The following STK10 variants were observed in gnomAD, a reference collection of about 807,000 sequenced individuals.
STK10 encodes serine/threonine-protein kinase 10.
In STK10, 78 loss-of-function variants were observed where a neutral mutation model predicts 113.8. The ratio of observed to expected loss-of-function variants is 0.69; its 90% CI spans 0.57 to 0.83. The LOEUF is 0.83. STK10 is among the 40% of genes least tolerant of loss of function. The probability of loss-of-function intolerance (pLI) is 0.00; values close to 1 mark genes in which losing one functional copy is unlikely to be tolerated. For missense variants in STK10, 1,109 were observed against 1,280.1 expected (o/e 0.87, Z 2.04); for synonymous variants, 465 against 494.7 (o/e 0.94, Z 0.80).
At chr5:172,173,967 C>A (rs1304089282) in intron 1 of STK10, among the ~76,000 whole-genome samples, 1 of 152,148 alleles carries the variant, frequency 6.6e-6, no homozygotes, top group Non-Finnish European at 1.5e-5. Flanking sequence ...GTGACTTGCC[C>A]AAAGTCACAC....
At chr5:172,074,210 G>A (rs990404946) in intron 12 of STK10, among the ~76,000 whole-genome samples, 1 of 152,044 alleles carries the variant, frequency 6.6e-6, no homozygotes, top group Non-Finnish European at 1.5e-5. Context: ...GGTTTATATA[G>A]AAAGGCAAAA....
intron 12 of STK10, among the ~76,000 whole-genome samples, chr5:172,077,906 C>T (rs1402808441): frequency 6.6e-6 from 1 of 152,170 alleles, no homozygotes; most frequent in Non-Finnish European, 1.5e-5. Context: ...TGGTCTCCCT[C>T]TCCAGCATCC....
rs538038663 is a variant in STK10 at position 172,133,213 on chromosome 5, T to TAG, written c.322-5793_322-5792insCT. Among the ~76,000 whole-genome samples the TAG allele has an allele frequency of 2.5e-4, 38 of 152,278 alleles. No homozygotes were observed. The East Asian group carries it at 5.2e-3, about 21-fold the overall frequency. On this transcript the variant is annotated intron_variant, in intron 2 of 18. Transcript: ENST00000176763. The surrounding 1 kb of genome is among the most constrained non-coding windows in gnomAD (Gnocchi z 4.9). Reference sequence around the variant, plus strand: ...AGCTGTGTGTGCGTGTGTGCGTGTGTGTCTGGGGAGATACACCAAAGGGTT... The same window carrying TAG: ...AGCTGTGTGTGCGTGTGTGCGTGTGTAGGTCTGGGGAGATACACCAAAGGGTT...
chr5:172,106,420 G>GAAAAAAAAAAAAAAAAAAC (rs1416660493), intron 6 of STK10, among the ~76,000 whole-genome samples, 200 bp downstream of exon 6: 1 of 45,400 alleles, frequency 2.2e-5, no homozygotes, highest in Non-Finnish European at 5.1e-5. Context: ...AAAAAAAAAG[G>GAAAAAAAAAAAAAAAAAAC]AACACAAAGG....
rs552531837 is a variant in STK10, at chr5:172,082,273, A to G, written c.1989+53T>C. The G allele has an allele frequency of 1.6e-4, 235 of 1,438,012 alleles. 1 individual carries two copies. The South Asian group carries it at 3.5e-3, about 21-fold the overall frequency. The allele number at this position is 1,438,012 out of a possible 1,614,324, so 89.1% of individuals were successfully genotyped here. A position where few individuals can be genotyped will look rare whatever the true frequency, so the allele number is the denominator to read the frequency against. On this transcript the variant is annotated intron_variant, in intron 12 of 18. Transcript: ENST00000176763. This position sits in a 1 kb window ranked among gnomAD's most constrained non-coding sequence, Gnocchi z 4.3. ...TTGAGGCCACGATCACTTGCAACCAAGAAGGCCCCTAATACTCCGAGATGC... is the reference window on the plus strand; with the variant it reads ...TTGAGGCCACGATCACTTGCAACCAGGAAGGCCCCTAATACTCCGAGATGC...
intron 12 of STK10, among the ~76,000 whole-genome samples, chr5:172,075,111 A>T (rs559205077): frequency 6.6e-6 from 1 of 150,560 alleles, no homozygotes; most frequent in African/African-American, 2.4e-5. Context: ...TCAAGGCTAT[A>T]TTGAGCCATG....
rs1451313479 is a variant in STK10 at position 172,187,564 on chromosome 5, C to G, written c.156+323G>C. Among the ~76,000 whole-genome samples, 1 of 152,220 alleles carries G rather than the reference C, an allele frequency of 6.6e-6. No homozygotes were observed. The highest frequency in any genetic ancestry group is 1.5e-5 in the Non-Finnish European group (1 of 68,042). ...TGGAAGGTCCCTCGAGTGGCCCTCT[C>G]GGATGCTGAGGTCCTGTCAACGCCC... On this transcript the variant is annotated intron_variant, in intron 1 of 18. Coordinates refer to ENST00000176763, the MANE Select transcript of STK10 (RefSeq NM_005990.4). The surrounding 1 kb of genome is among the most constrained non-coding windows in gnomAD (Gnocchi z 4.6).
intron 12 of STK10, among the ~76,000 whole-genome samples, chr5:172,074,597 C>A (rs1042044483): frequency 6.6e-6 from 1 of 151,988 alleles, no homozygotes; most frequent in Admixed American, 6.6e-5. Context: ...AATATAAAAC[C>A]TAAAATTGTA....
At chr5:172,083,200 G>A in intron 10 of STK10, 116 bp from the exon 11 acceptor site, 1 of 1,362,716 alleles carries the variant, frequency 7.3e-7, no homozygotes, top group Non-Finnish European at 1.0e-6. Flanking sequence ...ACAAGTCTGG[G>A]GCACAGGCAT....
At chr5:172,149,142 G>C (rs1042125173) in intron 2 of STK10, among the ~76,000 whole-genome samples, 4 of 152,304 alleles carry the variant, frequency 2.6e-5, no homozygotes, top group Middle Eastern at 3.4e-3. Context: ...ACTCCAGCCT[G>C]GGTGACAGAG....
chr5:172,094,175 A>G (rs888072754), intron 8 of STK10, among the ~76,000 whole-genome samples: 1 of 151,886 alleles, frequency 6.6e-6, no homozygotes, highest in African/African-American at 2.4e-5. Context: ...TCTCCTCACT[A>G]TCTCTAATCT....
chr5:172,108,743 C>CCACTG (rs1249952383), intron 4 of STK10, among the ~76,000 whole-genome samples: 1 of 151,700 alleles, frequency 6.6e-6, no homozygotes, highest in Non-Finnish European at 1.5e-5. Flanking sequence ...CAGGATTGTG[C>CCACTG]CACTGCACTC....
At position 172,082,396 on chromosome 5, in the gene STK10, C is replaced by G. The variant is rs561611452; in HGVS notation, c.1919G>C (p.Arg640Thr). 10 of 1,609,888 alleles carry G rather than the reference C, an allele frequency of 6.2e-6. No homozygotes were observed. In the South Asian group the frequency reaches 9.9e-5, roughly 16 times the overall value. Residue 640 changes from arginine to threonine, a missense_variant, in exon 12 of 19, where the codon AGG becomes ACG. Arg to Thr is a moderately conservative substitution (Grantham distance 71, BLOSUM62 -1). This residue lies in a region of STK10 where 885 missense variants were observed against 991.1 expected (regional missense o/e 0.89). Transcript: ENST00000176763. This position sits in a 1 kb window ranked among gnomAD's most constrained non-coding sequence, Gnocchi z 4.3. ...CCGATCCTGCTCCAGGCGGATCCGCCTGGCCTCCTCCCGGCGGCGCACGGC... is the reference window on the plus strand; with the variant it reads ...CCGATCCTGCTCCAGGCGGATCCGCGTGGCCTCCTCCCGGCGGCGCACGGC... ...DHAVRRREEA[R>T]RIRLEQDRDY... is the part of the protein sequence containing the mutation.
intron 1 of STK10, among the ~76,000 whole-genome samples, chr5:172,175,330 C>G (rs1400881732): frequency 6.6e-6 from 1 of 151,984 alleles, no homozygotes; most frequent in Non-Finnish European, 1.5e-5. Context: ...AAATGCATCA[C>G]AGGGGAAGCA....
intron 12 of STK10, among the ~76,000 whole-genome samples, chr5:172,077,462 T>C (rs1444624360): frequency 2.0e-5 from 3 of 152,196 alleles, no homozygotes; most frequent in Non-Finnish European, 4.4e-5. Context: ...ATGCTAGAGA[T>C]TACTTGGTAT....
intron 16 of STK10, among the ~76,000 whole-genome samples, chr5:172,054,967 G>A (rs1012598073): frequency 6.6e-6 from 1 of 152,166 alleles, no homozygotes; most frequent in African/African-American, 2.4e-5. Context: ...GGAATCACAA[G>A]GGCCCGTGTG....
intron 1 of STK10, among the ~76,000 whole-genome samples, chr5:172,158,341 AGT>A (rs1211288571): frequency 6.6e-6 from 1 of 152,226 alleles, no homozygotes; most frequent in Non-Finnish European, 1.5e-5. Context: ...TAGCAGCCAA[AGT>A]GTGGAAACAA....
chr5:172,135,956 G>C (rs1168584347), intron 2 of STK10, among the ~76,000 whole-genome samples: 1 of 151,388 alleles, frequency 6.6e-6, no homozygotes, highest in Non-Finnish European at 1.5e-5. Context: ...GAACCCAGGA[G>C]GTGGAGGTTG....
intron 1 of STK10, among the ~76,000 whole-genome samples, chr5:172,184,622 C>G (rs1219273158): frequency 6.6e-6 from 1 of 152,016 alleles, no homozygotes; most frequent in Non-Finnish European, 1.5e-5. Context: ...AGACAGCTCA[C>G]AACTTTGAGA....
Sources: gnomAD v4.1 joint callset for allele counts (sites outside exome capture counted in the v4.1 genomes callset) on GRCh38, gnomAD v4.1.1 for gene constraint, gnomAD v4.1.1 regional missense constraint, Gnocchi (gnomAD v3.1) non-coding constraint, MANE v1.5 for transcripts, NCBI Gene and HGNC (gene_info 2026-07-23, HGNC 2026-07-21) for gene names.